The following RSPH6A variants were observed in gnomAD, a reference collection of about 807,000 sequenced individuals.
RSPH6A encodes the protein radial spoke head 6 homolog A.
A neutral mutation model predicts 66.1 loss-of-function variants in RSPH6A; 49 were observed. The ratio of observed to expected loss-of-function variants is 0.74; its 90% CI spans 0.59 to 0.94. The LOEUF (loss-of-function observed/expected upper bound fraction) is 0.94. Among genes scored for constraint, RSPH6A ranks in the 40% least tolerant of loss-of-function variants. The pLI is 0.00. For synonymous variants in RSPH6A, 419 were observed against 402.4 expected (o/e 1.04, Z -0.49); for missense variants, 977 against 948.3 (o/e 1.03, Z -0.40).
chr19:45,804,003 A>AAAAG lies in RSPH6A; in HGVS notation c.1653+245_1653+248dup, dbSNP rs1970506512. ...AGCGAGACTCTGTCTCAAAAAAAAA[A>AAAAG]AAAGAAAAGAAAAGAAAAGAAAAAG... On this transcript the variant is annotated intron_variant, in intron 3 of 5. Coordinates refer to ENST00000221538, the MANE Select transcript of RSPH6A (RefSeq NM_030785.4). This position sits in a 1 kb window ranked among gnomAD's most constrained non-coding sequence, Gnocchi z 5.8. 1.3e-5 allele frequency among the ~76,000 whole-genome samples: 2 copies of AAAAG among 151,576 alleles called. No homozygotes were observed. Among genetic ancestry groups the AAAAG allele is most frequent in the South Asian group, 4.2e-4 (2 of 4,818 alleles).
Position 45,814,911 on chromosome 19 carries a change from G to A in RSPH6A, c.266C>T (p.Ser89Phe). The change falls in exon 1 of 6, where the codon TCT becomes TTT. Residue 89 changes from serine to phenylalanine, a missense_variant. Ser to Phe is a radical substitution (Grantham distance 155). Transcript: ENST00000221538. ...CTCTGAGGGAAAGCCCGTGTTCACA[G>A]ATGGGTACTCCATGCCACCCAGCCG... ...EARLGGMEYP[S>F]VNTGFPSEFQ... 1 of 1,614,178 alleles carries A rather than the reference G, an allele frequency of 6.2e-7. No homozygotes were observed. The highest frequency in any genetic ancestry group is 8.5e-7 in the Non-Finnish European group (1 of 1,180,048).
chr19:45,802,470 C>T (rs1245251980), intron 3 of RSPH6A, among the ~76,000 whole-genome samples: 2 of 150,758 alleles, frequency 1.3e-5, no homozygotes, highest in East Asian at 1.9e-4. Flanking sequence ...CCTGACTGTG[C>T]GACCCCCATT....
chr19:45,797,249 A>C (rs1028024541), intron 5 of RSPH6A, among the ~76,000 whole-genome samples: 1 of 151,514 alleles, frequency 6.6e-6, no homozygotes, highest in African/African-American at 2.4e-5. Flanking sequence ...GCGTGGTGGC[A>C]GGCGCCTGTA....
At position 45,804,900 on chromosome 19, in the gene RSPH6A, C is replaced by T; in HGVS notation, c.1005G>A (p.Glu335=). The change falls in exon 3 of 6, where the codon GAG becomes GAA. Residue 335 remains glutamate, a synonymous_variant. Coordinates refer to ENST00000221538, the MANE Select transcript of RSPH6A (RefSeq NM_030785.4). This position sits in a 1 kb window ranked among gnomAD's most constrained non-coding sequence, Gnocchi z 5.8. ...RIFLAMKQLV[E]QQPIHTCRFW... ...AGCGACAGGTGTGGATGGGCTGCTG[C>T]TCCACCAGCTGTTTCATGGCCAGGA... 6.2e-7 allele frequency: 1 copy of T among 1,614,238 alleles called. No homozygotes were observed. Among genetic ancestry groups the T allele is most frequent in the Non-Finnish European group, 8.5e-7 (1 of 1,180,044 alleles).
In RSPH6A at chr19:45,814,980, T is replaced by C. The variant is rs1196796580; in HGVS notation, c.197A>G (p.Gln66Arg). The change falls in exon 1 of 6, where the codon CAG (glutamine) becomes CGG (arginine). Residue 66 changes from glutamine to arginine, a missense_variant. Transcript: ENST00000221538. The part of the protein sequence containing the change: ...GWSQRGSLSQ[Q>R]ENLLMPQVFQ... Reference sequence around the variant, plus strand: ...GACCTGGGGCATCAGCAAGTTCTCCTGTTGGGACAGGCTGCCCCTCTGTGA... The same window carrying C: ...GACCTGGGGCATCAGCAAGTTCTCCCGTTGGGACAGGCTGCCCCTCTGTGA... The C allele has an allele frequency of 6.2e-7, 1 of 1,613,880 alleles. No individual in the cohort carries two copies. The highest frequency in any genetic ancestry group is 8.5e-7 in the Non-Finnish European group (1 of 1,180,046).
chr19:45,796,939 C>T (rs116811104), intron 5 of RSPH6A, among the ~76,000 whole-genome samples: 4,031 of 152,204 alleles, frequency 0.026, 170 homozygotes, highest in African/African-American at 0.092. Flanking sequence ...TGCAGTAGCA[C>T]GTACCTGTGG....
In RSPH6A at chr19:45,810,839, A is replaced by G; in HGVS notation, c.652T>C (p.Tyr218His). ...GTCAGCAGATTCACCAGGTGCTCGT[A>G]CCTGCCTCCCGCAGGAGGAGTGGGA... ...QTSINCDLSL[Y>H]EHLVNLLTKI... Residue 218 changes from tyrosine to histidine, a missense_variant and splice_region_variant, in exon 2 of 6, where the codon TAC becomes CAC. By Grantham distance (83) the Tyr-to-His change is moderately conservative. Coordinates refer to ENST00000221538, the MANE Select transcript of RSPH6A (RefSeq NM_030785.4). 6.2e-7 allele frequency: 1 copy of G among 1,605,440 alleles called. No individual in the cohort carries two copies. The highest frequency in any genetic ancestry group is 1.1e-5 in the South Asian group (1 of 90,754).
intron 1 of RSPH6A, among the ~76,000 whole-genome samples, chr19:45,813,241 T>G (rs1970650952): frequency 6.6e-6 from 1 of 152,144 alleles, no homozygotes; most frequent in African/African-American, 2.4e-5. Context: ...TGCAGTGTGC[T>G]CTGCCTGGCT....
chr19:45,797,615 G>A (rs1212545636), intron 5 of RSPH6A, among the ~76,000 whole-genome samples: 1 of 151,894 alleles, frequency 6.6e-6, no homozygotes, highest in Non-Finnish European at 1.5e-5. Context: ...GGTGGTTCAG[G>A]CCTGTAATCC....
At chr19:45,810,564 C>T (rs1425803282) in intron 2 of RSPH6A, 39 bp downstream of exon 2, 4 of 1,588,358 alleles carry the variant, frequency 2.5e-6, no homozygotes, top group Non-Finnish European at 3.5e-6. Flanking sequence ...TGGGCCCCCA[C>T]TGACCCTGAT....
At chr19:45,810,894 G>C (rs1970619168) in intron 1 of RSPH6A, 54 bp from the exon 2 acceptor site, 2 of 1,490,520 alleles carry the variant, frequency 1.3e-6, no homozygotes, top group African/African-American at 2.8e-5. Flanking sequence ...TCAGCTCACT[G>C]AGCTGGCTCC....
Position 45,810,831 on chromosome 19 carries a change from G to T in RSPH6A, c.660C>A (p.His220Gln). 5 of 1,608,750 alleles carry T rather than the reference G, an allele frequency of 3.1e-6. No homozygotes were observed. Among genetic ancestry groups the T allele is most frequent in the Non-Finnish European group, 4.3e-6 (5 of 1,175,824 alleles). The stretch of plus-strand genomic sequence containing the variant: ...GGATCTTGGTCAGCAGATTCACCAG[G>T]TGCTCGTACCTGCCTCCCGCAGGAG... Reference protein sequence around the residue: ...SINCDLSLYEHLVNLLTKILN... With the variant: ...SINCDLSLYEQLVNLLTKILN... The change falls in exon 2 of 6, where the codon CAC becomes CAA. Residue 220 changes from histidine (H) to glutamine (Q), a missense_variant. By Grantham distance (24) the His-to-Gln change is conservative. Transcript: ENST00000221538.
In RSPH6A at chr19:45,814,841, G is replaced by C; in HGVS notation, c.336C>G (p.Ala112=). 1.2e-6 allele frequency: 2 copies of C among 1,614,096 alleles called. No individual in the cohort carries two copies. The highest frequency in any genetic ancestry group is 1.7e-6 in the Non-Finnish European group (2 of 1,180,016). The part of the protein sequence containing the change: ...PYSDESRMQV[A]ELTTSLMLQR... ...GCAGCATTAGGCTGGTGGTGAGCTC[G>C]GCGACCTGCATCCTGCTTTCATCAG... is the stretch of plus-strand genomic sequence containing the variant. Residue 112 remains alanine (A), a synonymous_variant, in exon 1 of 6, where the codon GCC becomes GCG. Transcript: ENST00000221538.
In RSPH6A at chr19:45,814,902, G is replaced by C. The variant is rs761801719; in HGVS notation, c.275C>G (p.Thr92Arg). The C allele has an allele frequency of 1.9e-6, 3 of 1,614,134 alleles. No individual in the cohort carries two copies. Among genetic ancestry groups the C allele is most frequent in the Non-Finnish European group, 2.5e-6 (3 of 1,180,038 alleles). The stretch of plus-strand genomic sequence containing the variant: ...AGGCTGGAACTCTGAGGGAAAGCCC[G>C]TGTTCACAGATGGGTACTCCATGCC... Reference protein sequence around the residue: ...LGGMEYPSVNTGFPSEFQPQP... With the variant: ...LGGMEYPSVNRGFPSEFQPQP... The change falls in exon 1 of 6, where the codon ACG (threonine) becomes AGG (arginine). Residue 92 changes from threonine to arginine, a missense_variant. By Grantham distance (71) the Thr-to-Arg change is moderately conservative. Transcript: ENST00000221538.
chr19:45,813,818 CT>C (rs1276069000), intron 1 of RSPH6A, among the ~76,000 whole-genome samples: 1 of 152,104 alleles, frequency 6.6e-6, no homozygotes, highest in Non-Finnish European at 1.5e-5. Context: ...AGCTAAGTGG[CT>C]TTGGCAAGTA....
chr19:45,798,838 CAA>C (rs71338800), intron 5 of RSPH6A, among the ~76,000 whole-genome samples: 17 of 77,342 alleles, frequency 2.2e-4, no homozygotes, highest in Non-Finnish European at 2.8e-4. Flanking sequence ...GACTCTATCT[CAA>C]AAAAAAAAAA....
At chr19:45,811,751 ATTATTATTATTATTATT>A (rs767987694) in intron 1 of RSPH6A, among the ~76,000 whole-genome samples, 1 of 83,582 alleles carries the variant, frequency 1.2e-5, no homozygotes, top group African/African-American at 6.5e-5. Flanking sequence ...TTGTATTATT[ATTATTATTATTATTATT>A]ATTATTATTA....
At chr19:45,814,493 TC>T in intron 1 of RSPH6A, 33 bp downstream of exon 1, 2 of 1,432,930 alleles carry the variant, frequency 1.4e-6, no homozygotes, top group Non-Finnish European at 9.2e-7. Context: ...CCTGCCTGGG[TC>T]CCCCACCCGC....
intron 2 of RSPH6A, among the ~76,000 whole-genome samples, chr19:45,809,952 C>T (rs977878848): frequency 2.6e-5 from 4 of 152,118 alleles, no homozygotes; most frequent in African/African-American, 7.2e-5. Context: ...GAGTCATTTC[C>T]TAGAAGCATG....
Sources: allele counts gnomAD v4.1 joint callset (sites outside exome capture counted in the v4.1 genomes callset), GRCh38; gene constraint gnomAD v4.1.1; non-coding constraint Gnocchi (gnomAD v3.1); transcripts MANE v1.5; gene names NCBI Gene and HGNC (gene_info 2026-07-23, HGNC 2026-07-21).